The following TAB2 variants were observed in gnomAD, a reference collection of about 807,000 sequenced individuals.
The protein encoded by TAB2 is TGF-beta activated kinase 1 (MAP3K7) binding protein 2.
A neutral mutation model predicts 65.0 loss-of-function variants in TAB2; 3 were observed. The observed-to-expected ratio is 0.05, with a 90% CI of 0.02 to 0.12. The LOEUF (loss-of-function observed/expected upper bound fraction) is 0.12. TAB2 is among the 10% of genes least tolerant of loss of function. The pLI is 1.00. For synonymous variants in TAB2, 298 were observed against 285.1 expected (o/e 1.05, Z -0.46); for missense variants, 623 against 840.3 (o/e 0.74, Z 3.20).
intron 1 of TAB2, chr6:149,247,876 CAGGG>C (rs1238817177): frequency 6.6e-6 from 1 of 152,116 alleles, no homozygotes; most frequent in Non-Finnish European, 1.5e-5. Flanking sequence ...CGCTGGGATA[CAGGG>C]AGGAGAACAT....
intron 3 of TAB2, among the ~76,000 whole-genome samples, chr6:149,387,093 T>C (rs1277766276): frequency 6.6e-6 from 1 of 152,220 alleles, no homozygotes; most frequent in African/African-American, 2.4e-5. Flanking sequence ...GCACAAGTTT[T>C]TTATTTGGCT....
intron 1 of TAB2, among the ~76,000 whole-genome samples, chr6:149,264,296 G>C (rs944391778): frequency 1.3e-5 from 2 of 152,120 alleles, no homozygotes; most frequent in Non-Finnish European, 2.9e-5. Flanking sequence ...CCTGACAGAG[G>C]GATTTAATAA....
intron 1 of TAB2, among the ~76,000 whole-genome samples, chr6:149,237,042 C>T (rs1335839912): frequency 2.0e-5 from 3 of 152,088 alleles, no homozygotes; most frequent in African/African-American, 7.2e-5. Flanking sequence ...AATTTATTTG[C>T]ATGGCGATCC....
At chr6:149,321,318 A>G (rs1779448639) in intron 1 of TAB2, 1 of 152,186 alleles carries the variant, frequency 6.6e-6, no homozygotes, top group African/African-American at 2.4e-5. Flanking sequence ...ACAGTATTTT[A>G]ACATTTTGTT....
At chr6:149,403,233 C>CT (rs1782500589) in intron 6 of TAB2, among the ~76,000 whole-genome samples, 1 of 62,292 alleles carries the variant, frequency 1.6e-5, no homozygotes, top group South Asian at 7.0e-4. Context: ...AAACTCTTGT[C>CT]TAAAAAAAAA....
At chr6:149,226,831 A>G (rs1402213622) in intron 1 of TAB2, among the ~76,000 whole-genome samples, 3 of 152,238 alleles carry the variant, frequency 2.0e-5, no homozygotes, top group Admixed American at 6.5e-5. Flanking sequence ...AACATTCCAA[A>G]CAGACAATGC....
upstream of TAB2, among the ~76,000 whole-genome samples, chr6:149,317,376 G>T (rs1443686790): frequency 6.6e-6 from 1 of 151,342 alleles, no homozygotes; most frequent in Non-Finnish European, 1.5e-5. This position sits in a 1 kb window ranked among gnomAD's most constrained non-coding sequence, Gnocchi z 4.7. Context: ...GTCGGGGGAG[G>T]GGTACAGGTC....
chr6:149,293,462 T>C (rs1484111081), intron 1 of TAB2, among the ~76,000 whole-genome samples: 1 of 152,208 alleles, frequency 6.6e-6, no homozygotes, highest in African/African-American at 2.4e-5. Flanking sequence ...TTTGCATGGG[T>C]TTTCTGGTTT....
chr6:149,248,789 CCCTGGG>C (rs1228788382), intron 1 of TAB2, among the ~76,000 whole-genome samples: 1 of 152,134 alleles, frequency 6.6e-6, no homozygotes, highest in African/African-American at 2.4e-5. Context: ...GCTGTCCCTG[CCCTGGG>C]CCTGTTTTGT....
At chr6:149,333,416 G>C (rs1165331695) in intron 1 of TAB2, among the ~76,000 whole-genome samples, 1 of 152,180 alleles carries the variant, frequency 6.6e-6, no homozygotes, top group Admixed American at 6.5e-5. Flanking sequence ...ATTGCAAATA[G>C]TAGGCTAGGT....
chr6:149,298,237 T>C lies in TAB2; in HGVS notation c.-121+79461T>C, dbSNP rs6912692. 9.9e-3 allele frequency among the ~76,000 whole-genome samples: 1,514 copies of C among 152,248 alleles called. 20 individuals carry two copies. Among genetic ancestry groups the C allele is most frequent in the African/African-American group, 0.035 (1,438 of 41,532 alleles). ...AAAATATGCATGCTATTCCTCAGAA[T>C]GGCATCTTTGGGAAAAGACATATAG... is the stretch of plus-strand genomic sequence containing the variant. On this transcript the variant is annotated intron_variant, in intron 1 of 1. Coordinates refer to the TAB2 transcript ENST00000606202.
At chr6:149,399,539 C>G (rs35638345) in intron 6 of TAB2, among the ~76,000 whole-genome samples, 25 of 151,878 alleles carry the variant, frequency 1.6e-4, no homozygotes, top group African/African-American at 5.8e-4. Flanking sequence ...TTCCCCCCCC[C>G]CATGAGTATT....
intron 1 of TAB2, among the ~76,000 whole-genome samples, chr6:149,261,537 GAT>G (rs1177436032): frequency 7.9e-5 from 12 of 152,168 alleles, no homozygotes; most frequent in Non-Finnish European, 7.4e-5. Flanking sequence ...CAACCACAAA[GAT>G]GAAAGGGAGC....
chr6:149,220,046 T>G (rs1777107515), intron 1 of TAB2, among the ~76,000 whole-genome samples: 1 of 152,238 alleles, frequency 6.6e-6, no homozygotes, highest in Non-Finnish European at 1.5e-5. Context: ...AACATTTTCA[T>G]GAAGCTTAAG....
intron 1 of TAB2, among the ~76,000 whole-genome samples, chr6:149,364,441 A>G (rs1024221206): frequency 2.6e-5 from 4 of 152,128 alleles, no homozygotes; most frequent in African/African-American, 9.7e-5. Context: ...TGTGATAGCC[A>G]CAAGCGAGAT....
intron 1 of TAB2, among the ~76,000 whole-genome samples, chr6:149,358,599 C>T (rs1251764686): frequency 9.6e-6 from 1 of 104,270 alleles, no homozygotes; most frequent in Admixed American, 1.1e-4. Context: ...CACTACAATA[C>T]ATCTAGGTGC....
At chr6:149,357,430 A>AAAAAAAAACACACAAAC in intron 1 of TAB2, among the ~76,000 whole-genome samples, 1 of 111,146 alleles carries the variant, frequency 9.0e-6, no homozygotes, top group African/African-American at 3.4e-5. Flanking sequence ...AGAAAAAAAA[A>AAAAAAAAACACACAAAC]ACACACACAC....
intron 1 of TAB2, among the ~76,000 whole-genome samples, chr6:149,235,304 T>G (rs1205008087): frequency 6.6e-6 from 1 of 152,202 alleles, no homozygotes; most frequent in Non-Finnish European, 1.5e-5. Context: ...AAAACAGAAT[T>G]TTGAAGGCTC....
chr6:149,339,601 ATTTATTTTTTTT>A (rs1235930142), intron 1 of TAB2, among the ~76,000 whole-genome samples: 9 of 25,492 alleles, frequency 3.5e-4, no homozygotes, highest in South Asian at 1.9e-3. Context: ...TTATTTATTT[ATTTATTTTTTTT>A]TTTTTTTGAG....
Sources: allele counts gnomAD v4.1 joint callset (sites outside exome capture counted in the v4.1 genomes callset), GRCh38; gene constraint gnomAD v4.1.1; non-coding constraint Gnocchi (gnomAD v3.1); transcripts MANE v1.5; gene names NCBI Gene and HGNC (gene_info 2026-07-23, HGNC 2026-07-21).